TTC29: variants seen among roughly 807,000 people sequenced by gnomAD.
The protein encoded by TTC29 is tetratricopeptide repeat domain 29, also known as tetratricopeptide repeat protein 29.
TTC29 carries 49 observed loss-of-function variants against 58.1 expected under a neutral mutation model. That is an observed-to-expected ratio of 0.84 (90% confidence interval 0.67 to 1.07). TTC29 has a LOEUF of 1.07. TTC29 is among the 50% of genes least tolerant of loss of function. The pLI, the probability that TTC29 is intolerant of heterozygous loss-of-function variation, is 0.00. For synonymous variants in TTC29, 209 were observed against 196.8 expected, an observed-to-expected ratio of 1.06 and a Z score of -0.52; for missense variants, 582 against 555.6, an observed-to-expected ratio of 1.05 and a Z score of -0.48.
chr4:146,866,576 A>G (rs1730578252), intron 8 of TTC29, among the ~76,000 whole-genome samples: 1 of 152,140 alleles, frequency 6.6e-6, no homozygotes, highest in South Asian at 2.1e-4. Flanking sequence ...AGAAGTGTGC[A>G]TCTGGTTGTC....
At chr4:146,767,965 A>G (rs1355374273) in intron 11 of TTC29, among the ~76,000 whole-genome samples, 1 of 152,012 alleles carries the variant, frequency 6.6e-6, no homozygotes, top group African/African-American at 2.4e-5. Flanking sequence ...TTCTAGGTCC[A>G]TTTTCATTTT....
intron 11 of TTC29, among the ~76,000 whole-genome samples, chr4:146,741,048 A>G (rs1745103607): frequency 1.3e-5 from 2 of 152,314 alleles, no homozygotes; most frequent in East Asian, 1.9e-4. Context: ...TAATGATTTC[A>G]GAGTTGAAGG....
In TTC29 at chr4:146,859,998, G is replaced by A. The variant is rs528610424; in HGVS notation, c.885+7500C>T. Among the ~76,000 whole-genome samples, 12 of 152,184 alleles carry A rather than the reference G, an allele frequency of 7.9e-5. No homozygotes were observed. The South Asian group carries it at 2.3e-3, about 29-fold the overall frequency. On this transcript the variant is annotated intron_variant, in intron 8 of 12. Transcript: ENST00000325106. ...TGAGATTTATTTGGGTTGCATAATG[G>A]TTTCAGCAGTAGACAGAAATGTGTC... is the stretch of plus-strand genomic sequence containing the variant.
chr4:146,861,920 T>C (rs1326031396), intron 8 of TTC29, among the ~76,000 whole-genome samples: 1 of 151,888 alleles, frequency 6.6e-6, no homozygotes, highest in Non-Finnish European at 1.5e-5. Context: ...GAAATACAAG[T>C]GAGAAGATAA....
At chr4:146,749,510 T>A (rs548715731) in intron 11 of TTC29, among the ~76,000 whole-genome samples, 1 of 152,134 alleles carries the variant, frequency 6.6e-6, no homozygotes, top group Non-Finnish European at 1.5e-5. Flanking sequence ...AGAGTGAAGA[T>A]AGCCTATGGG....
chr4:146,914,252 G>A (rs1734077900), intron 4 of TTC29, among the ~76,000 whole-genome samples: 1 of 152,078 alleles, frequency 6.6e-6, no homozygotes. Flanking sequence ...TTTCATAACA[G>A]AGAACCATAG....
At chr4:146,766,140 G>A (rs1483027671) in intron 11 of TTC29, among the ~76,000 whole-genome samples, 1 of 152,054 alleles carries the variant, frequency 6.6e-6, no homozygotes, top group East Asian at 1.9e-4. Flanking sequence ...ATATTCTAGT[G>A]TATGAATGGC....
chr4:146,913,995 A>G (rs1316144902), intron 4 of TTC29, among the ~76,000 whole-genome samples: 1 of 152,132 alleles, frequency 6.6e-6, no homozygotes, highest in Non-Finnish European at 1.5e-5. Flanking sequence ...TATCATCTCT[A>G]TTTTTTACAC....
chr4:146,935,737 T>C (rs6845774), intron 4 of TTC29, among the ~76,000 whole-genome samples: 11,375 of 152,202 alleles, frequency 0.075, 1,449 homozygotes, highest in African/African-American at 0.26. Flanking sequence ...AAAATATCAT[T>C]GTCTCTCCCA....
At chr4:146,822,082 T>A (rs1751881147) in intron 9 of TTC29, among the ~76,000 whole-genome samples, 1 of 149,748 alleles carries the variant, frequency 6.7e-6, no homozygotes, top group African/African-American at 2.5e-5. Flanking sequence ...CTGGGGCTAT[T>A]TAAAAGAACA....
chr4:146,877,441 A>G (rs1459828724), intron 6 of TTC29, among the ~76,000 whole-genome samples: 2 of 152,112 alleles, frequency 1.3e-5, no homozygotes, highest in African/African-American at 4.8e-5. Context: ...GCTCTAATCT[A>G]TCTTTACTTT....
At chr4:146,804,305 G>A (rs915259346) in intron 10 of TTC29, among the ~76,000 whole-genome samples, 8 of 152,148 alleles carry the variant, frequency 5.3e-5, no homozygotes, top group Non-Finnish European at 1.0e-4. Flanking sequence ...AAACAGGGCG[G>A]CTGTTTGGGT....
chr4:146,739,955 C>T (rs1203877656), intron 11 of TTC29, among the ~76,000 whole-genome samples: 1 of 152,126 alleles, frequency 6.6e-6, no homozygotes, highest in East Asian at 1.9e-4. Flanking sequence ...AAGTGTGCCT[C>T]TTACAGGCTG....
intron 11 of TTC29, among the ~76,000 whole-genome samples, chr4:146,777,932 TA>T (rs1389070588): frequency 1.3e-5 from 2 of 152,174 alleles, no homozygotes; most frequent in African/African-American, 4.8e-5. Context: ...TGAGCAAGCC[TA>T]GGGGTAACAG....
intron 11 of TTC29, among the ~76,000 whole-genome samples, chr4:146,761,968 A>AAAAAC (rs1746942185): frequency 1.3e-5 from 2 of 151,930 alleles, no homozygotes; most frequent in Admixed American, 1.3e-4. Flanking sequence ...TTAAAAAAAC[A>AAAAAC]AAAACAAAAA....
intron 10 of TTC29, among the ~76,000 whole-genome samples, chr4:146,804,769 G>A (rs930514977): frequency 1.3e-5 from 2 of 151,948 alleles, no homozygotes; most frequent in African/African-American, 4.8e-5. Flanking sequence ...CATCTCCCTG[G>A]GACACAGCAC....
intron 11 of TTC29, among the ~76,000 whole-genome samples, chr4:146,763,249 G>T (rs1342131692): frequency 1.3e-5 from 2 of 152,014 alleles, no homozygotes; most frequent in Non-Finnish European, 2.9e-5. Context: ...ATAAAGTTAA[G>T]GAAGAGATAA....
rs560306800 is a variant in TTC29, at chr4:146,856,794, T to A, written c.885+10704A>T. ...TTATTGATGAGGAAATGAAAAAAAATTCAATTTACTAAGATTCTATTCTGT... is the reference window on the plus strand; with the variant it reads ...TTATTGATGAGGAAATGAAAAAAAAATCAATTTACTAAGATTCTATTCTGT... On this transcript the variant is annotated intron_variant, in intron 8 of 12. Transcript: ENST00000325106. Among the ~76,000 whole-genome samples, 795 of 151,470 alleles carry A rather than the reference T, an allele frequency of 5.2e-3. 5 individuals carry two copies. The highest frequency in any genetic ancestry group is 9.5e-3 in the Non-Finnish European group (642 of 67,764).
chr4:146,732,390 G>T (rs1380824873), intron 11 of TTC29, among the ~76,000 whole-genome samples: 1 of 152,120 alleles, frequency 6.6e-6, no homozygotes, highest in African/African-American at 2.4e-5. Flanking sequence ...AGATTAATCT[G>T]CTGGGAATTT....
Sources: allele counts gnomAD v4.1 joint callset (sites outside exome capture counted in the v4.1 genomes callset), GRCh38; gene constraint gnomAD v4.1.1; transcripts MANE v1.5; gene names NCBI Gene and HGNC (gene_info 2026-07-23, HGNC 2026-07-21).